RPS6KA2: variants seen among roughly 807,000 people sequenced by gnomAD.
RPS6KA2 encodes the protein ribosomal protein S6 kinase A2.
In RPS6KA2, 42 loss-of-function variants were observed where a neutral mutation model predicts 91.8. The ratio of observed to expected loss-of-function variants is 0.46; its 90% CI spans 0.36 to 0.59. RPS6KA2 has a LOEUF of 0.59. Among genes scored for constraint, RPS6KA2 ranks in the 20% least tolerant of loss-of-function variants. The pLI is 0.00. For synonymous variants in RPS6KA2, 414 were observed against 393.6 expected, an observed-to-expected ratio of 1.05 and a Z score of -0.61; for missense variants, 798 against 978.5, an observed-to-expected ratio of 0.82 and a Z score of 2.46.
At position 166,508,208 on chromosome 6, in the gene RPS6KA2, T is replaced by C; in HGVS notation, c.454A>G (p.Lys152Glu). The change falls in exon 5 of 21, where the codon AAA becomes GAA. Residue 152 changes from lysine to glutamate, a missense_variant. Transcript: ENST00000265678. This position sits in a 1 kb window ranked among gnomAD's most constrained non-coding sequence, Gnocchi z 4.3. ...RGGDLFTRLS[K>E]EVMFTEEDVK... ...GTGATGTGGCGGCTGCTCACCTCTT[T>C]GGAGAGCCGGGTGAAGAGGTCCCCT... is the stretch of plus-strand genomic sequence containing the variant. 1.2e-6 allele frequency: 2 copies of C among 1,608,206 alleles called. No homozygotes were observed. Among genetic ancestry groups the C allele is most frequent in the Non-Finnish European group, 1.7e-6 (2 of 1,174,880 alleles).
chr6:166,483,558 G>A lies in RPS6KA2; in HGVS notation c.907+5275C>T, dbSNP rs140571484. Among the ~76,000 whole-genome samples the A allele has an allele frequency of 2.3e-3, 353 of 152,346 alleles. 2 individuals are homozygous for A. Among genetic ancestry groups the A allele is most frequent in the African/African-American group, 7.9e-3 (328 of 41,588 alleles). ...TTGCATTTTGAAGACCAAAAATGTC[G>A]TGCTAACGAAGAATGAGAAGAGCAG... On this transcript the variant is annotated intron_variant, in intron 10 of 20. Coordinates refer to ENST00000265678, the MANE Select transcript of RPS6KA2 (RefSeq NM_021135.6).
At chr6:166,661,054 T>A (rs1033976883) in intron 2 of RPS6KA2, among the ~76,000 whole-genome samples, 1 of 152,184 alleles carries the variant, frequency 6.6e-6, no homozygotes, top group East Asian at 1.9e-4. Context: ...CCTGTTAACA[T>A]TAAGTATTGC....
rs369594090 is a variant in RPS6KA2, at chr6:166,450,469, C to G, written c.1206+634G>C. 4.9e-4 allele frequency among the ~76,000 whole-genome samples: 62 copies of G among 126,376 alleles called. No individual in the cohort carries two copies. The East Asian group carries it at 0.015, about 30-fold the overall frequency. The allele number at this position is 126,376 out of a possible 152,430, so 82.9% of individuals were successfully genotyped here. A position where few individuals can be genotyped will look rare whatever the true frequency, so the allele number is the denominator to read the frequency against. On this transcript the variant is annotated intron_variant, in intron 13 of 20. Transcript: ENST00000265678. Reference sequence around the variant, plus strand: ...GGAACCACCATGAGGACCACCATGGCTACCACCCCAGGGACCACCCTGGGA... The same window carrying G: ...GGAACCACCATGAGGACCACCATGGGTACCACCCCAGGGACCACCCTGGGA...
At chr6:166,482,153 T>C (rs980505249) in intron 10 of RPS6KA2, among the ~76,000 whole-genome samples, 1 of 152,242 alleles carries the variant, frequency 6.6e-6, no homozygotes, top group Non-Finnish European at 1.5e-5. Flanking sequence ...AGACTGCACA[T>C]ATACCTCTCT....
At position 166,498,666 on chromosome 6, in the gene RPS6KA2, G is replaced by GCACACACA; in HGVS notation, c.605-24_605-17dup. On this transcript the variant is annotated splice_polypyrimidine_tract_variant and intron_variant, in intron 7 of 20. Coordinates refer to ENST00000265678, the MANE Select transcript of RPS6KA2 (RefSeq NM_021135.6). ...AGGCCGAAATCTACATGCAAACACA[G>GCACACACA]CACACACACTGCCTCAGTCTCTGGG... 3 of 1,613,266 alleles carry GCACACACA rather than the reference G, an allele frequency of 1.9e-6. No homozygotes were observed. The highest frequency in any genetic ancestry group is 2.5e-6 in the Non-Finnish European group (3 of 1,179,860).
chr6:166,751,492 G>C (rs551764377), intron 2 of RPS6KA2, among the ~76,000 whole-genome samples: 86 of 152,390 alleles, frequency 5.6e-4, no homozygotes, highest in South Asian at 3.5e-3. Flanking sequence ...GCAGGGCGTG[G>C]AGGAGGTGCA....
intron 2 of RPS6KA2, among the ~76,000 whole-genome samples, chr6:166,731,498 T>C (rs1301393995): frequency 6.6e-6 from 1 of 152,108 alleles, no homozygotes; most frequent in Non-Finnish European, 1.5e-5. Flanking sequence ...AAGTAACAAA[T>C]GTCGGAAGCC....
chr6:166,582,610 A>G (rs1223539049), intron 1 of RPS6KA2, among the ~76,000 whole-genome samples: 1 of 152,256 alleles, frequency 6.6e-6, no homozygotes, highest in Non-Finnish European at 1.5e-5. Flanking sequence ...ACATAGATGC[A>G]TACATCTTAT....
rs549644851 is a variant in RPS6KA2, at chr6:166,700,197, C to A, written c.123+158003G>T. Among the ~76,000 whole-genome samples the A allele has an allele frequency of 5.1e-4, 77 of 152,378 alleles. 2 individuals are homozygous for A. Among genetic ancestry groups the A allele is most frequent in the Non-Finnish European group, 4.4e-5 (3 of 68,030 alleles). ...CCATTTAAACCAGCCGTTCCAAAAT[C>A]TTCTGCCACCACTTTGTTAGTACCA... is the stretch of plus-strand genomic sequence containing the variant. On this transcript the variant is annotated intron_variant, in intron 2 of 21. Transcript: ENST00000503859.
At chr6:166,446,248 G>C (rs1779675955) in intron 14 of RPS6KA2, among the ~76,000 whole-genome samples, 2 of 152,202 alleles carry the variant, frequency 1.3e-5, no homozygotes, top group African/African-American at 4.8e-5. Flanking sequence ...GCTGAAACGT[G>C]CTTCTGAAGT....
chr6:166,612,684 T>C lies in RPS6KA2; in HGVS notation c.99+14237A>G, dbSNP rs1786229671. On this transcript the variant is annotated intron_variant, in intron 1 of 20. Coordinates refer to ENST00000265678, the MANE Select transcript of RPS6KA2 (RefSeq NM_021135.6). This position sits in a 1 kb window ranked among gnomAD's most constrained non-coding sequence, Gnocchi z 4.3. Reference sequence around the variant, plus strand: ...CTGTCCGGGCGTCTGTTGTTACCCATGCTCGGGTAGGAAAATGCTGAGTGA... The same window carrying C: ...CTGTCCGGGCGTCTGTTGTTACCCACGCTCGGGTAGGAAAATGCTGAGTGA... Among the ~76,000 whole-genome samples, 1 of 152,162 alleles carries C rather than the reference T, an allele frequency of 6.6e-6. No homozygotes were observed. The highest frequency in any genetic ancestry group is 1.5e-5 in the Non-Finnish European group (1 of 68,036).
At position 166,433,284 on chromosome 6, in the gene RPS6KA2, A is replaced by G. The variant is rs1283167899; in HGVS notation, c.1333-794T>C. Among the ~76,000 whole-genome samples the G allele has an allele frequency of 6.6e-6, 1 of 152,104 alleles. No homozygotes were observed. The highest frequency in any genetic ancestry group is 1.5e-5 in the Non-Finnish European group (1 of 68,010). ...CTGCCTTGCTGTTTAGACATATGCAAGCTCCCCTCCCCCGCCCAGCATCTG... is the reference window on the plus strand; with the variant it reads ...CTGCCTTGCTGTTTAGACATATGCAGGCTCCCCTCCCCCGCCCAGCATCTG... On this transcript the variant is annotated intron_variant, in intron 14 of 20. Coordinates refer to ENST00000265678, the MANE Select transcript of RPS6KA2 (RefSeq NM_021135.6). The surrounding 1 kb of genome is among the most constrained non-coding windows in gnomAD (Gnocchi z 4.4).
In RPS6KA2 at chr6:166,627,029, C is replaced by T. The variant is rs1786910454; in HGVS notation, c.-10G>A. On this transcript the variant is annotated 5_prime_UTR_variant, in exon 1 of 21. Transcript: ENST00000265678. Reference sequence around the variant, plus strand: ...TCATGCTCAGGTCCATCGCCCCGCGCCCAGCCCGGAGCAGCCGCAGGGCCG... The same window carrying T: ...TCATGCTCAGGTCCATCGCCCCGCGTCCAGCCCGGAGCAGCCGCAGGGCCG... 6.8e-7 allele frequency: 1 copy of T among 1,461,900 alleles called. No individual in the cohort carries two copies. The highest frequency in any genetic ancestry group is 1.4e-5 in the African/African-American group (1 of 68,980). The allele number at this position is 1,461,900 out of a possible 1,614,324, so 90.6% of individuals were successfully genotyped here.
chr6:166,556,008 G>A (rs896466562), intron 1 of RPS6KA2, among the ~76,000 whole-genome samples: 1 of 152,186 alleles, frequency 6.6e-6, no homozygotes. Flanking sequence ...CAGGACTGGA[G>A]TGAAAGGGCC....
At chr6:166,700,718 G>A (rs1366340735) in intron 2 of RPS6KA2, among the ~76,000 whole-genome samples, 2 of 151,950 alleles carry the variant, frequency 1.3e-5, no homozygotes, top group Non-Finnish European at 2.9e-5. Context: ...TTGGATTTAG[G>A]AACAATCTAT....
chr6:166,862,260 G>C (rs190438103), exon 1 of RPS6KA2: 1 of 1,600,466 alleles, frequency 6.2e-7, no homozygotes. Context: ...ACGGCCAGAC[G>C]GGATGTCGGA....
At chr6:166,627,677 T>C (rs879697220), upstream of RPS6KA2, 4 of 151,896 alleles carry the variant, frequency 2.6e-5, no homozygotes, top group Non-Finnish European at 5.9e-5. Context: ...CCCGGGCGAG[T>C]TGTGCAGCTG....
chr6:166,696,806 G>C (rs1789372428), intron 2 of RPS6KA2, among the ~76,000 whole-genome samples: 1 of 152,300 alleles, frequency 6.6e-6, no homozygotes, highest in Non-Finnish European at 1.5e-5. Flanking sequence ...TGGCCACCTT[G>C]AGCTGGGGCA....
At chr6:166,762,710 T>C (rs2128603788) in intron 2 of RPS6KA2, among the ~76,000 whole-genome samples, 1 of 152,228 alleles carries the variant, frequency 6.6e-6, no homozygotes, top group South Asian at 2.1e-4. Context: ...GAATAGCACC[T>C]TCCCATCCTG....
Sources: allele counts gnomAD v4.1 joint callset (sites outside exome capture counted in the v4.1 genomes callset), GRCh38; gene constraint gnomAD v4.1.1; non-coding constraint Gnocchi (gnomAD v3.1); transcripts MANE v1.5; gene names NCBI Gene and HGNC (gene_info 2026-07-23, HGNC 2026-07-21).